GPR158: variants seen among roughly 807,000 people sequenced by gnomAD.
GPR158 encodes G protein-coupled receptor 158.
A neutral mutation model predicts 78.2 loss-of-function variants in GPR158; 30 were observed. The observed-to-expected ratio is 0.38, with a 90% CI of 0.29 to 0.52. The LOEUF is 0.52. Ranked by LOEUF, GPR158 falls within the 20% of genes least tolerant of loss-of-function variation. The pLI is 0.83. For synonymous variants in GPR158, 581 were observed against 591.1 expected (o/e 0.98, Z 0.25); for missense variants, 1,463 against 1,523.5 (o/e 0.96, Z 0.66).
chr10:25,571,397 T>C (rs1262447628), intron 6 of GPR158, among the ~76,000 whole-genome samples: 4 of 152,188 alleles, frequency 2.6e-5, no homozygotes, highest in African/African-American at 9.7e-5. Context: ...GGAGGAAAAA[T>C]ATAGCATAGT....
chr10:25,428,991 G>T (rs536436957), intron 4 of GPR158, among the ~76,000 whole-genome samples: 1 of 152,038 alleles, frequency 6.6e-6, no homozygotes, highest in South Asian at 2.1e-4. Context: ...CGTTACAGTT[G>T]GGTATAAGCA....
At chr10:25,241,325 TC>T (rs1853619048) in intron 2 of GPR158, among the ~76,000 whole-genome samples, 7 of 141,680 alleles carry the variant, frequency 4.9e-5, no homozygotes, top group African/African-American at 1.7e-4. Flanking sequence ...TCTTCTCTTC[TC>T]TTCTCTTCTC....
intron 2 of GPR158, among the ~76,000 whole-genome samples, chr10:25,303,822 T>C (rs1411780136): frequency 6.6e-6 from 1 of 152,184 alleles, no homozygotes; most frequent in Non-Finnish European, 1.5e-5. Flanking sequence ...CCTTTTGGTC[T>C]CCATATTATT....
chr10:25,177,627 G>T (rs998544383), intron 1 of GPR158, among the ~76,000 whole-genome samples: 1 of 152,180 alleles, frequency 6.6e-6, no homozygotes, highest in African/African-American at 2.4e-5. Context: ...CAACCAAGTT[G>T]CTTAACCTCT....
intron 2 of GPR158, among the ~76,000 whole-genome samples, chr10:25,277,749 A>C (rs1368924003): frequency 6.6e-6 from 1 of 152,142 alleles, no homozygotes; most frequent in African/African-American, 2.4e-5. Context: ...TCTTCAGAGG[A>C]AAATAGCCCA....
At position 25,538,577 on chromosome 10, in the gene GPR158, C is replaced by G. The variant is rs7101306; in HGVS notation, c.1405-12399C>G. On this transcript the variant is annotated intron_variant, in intron 5 of 10. Coordinates refer to ENST00000376351, the MANE Select transcript of GPR158 (RefSeq NM_020752.3). The stretch of plus-strand genomic sequence containing the variant: ...GTGTGATTATCACACATTATAGCCT[C>G]GAACTCCTGGCCGTAAGTGATCCTT... Among the ~76,000 whole-genome samples, 769 of 152,234 alleles carry G rather than the reference C, an allele frequency of 5.1e-3. 7 individuals carry two copies. The highest frequency in any genetic ancestry group is 0.018 in the African/African-American group (729 of 41,546).
At chr10:25,350,827 G>A (rs1413397) in intron 2 of GPR158, among the ~76,000 whole-genome samples, 99,525 of 151,776 alleles carry the variant, frequency 0.66, 33,758 homozygotes, top group Non-Finnish European at 0.76. Context: ...ATATATCAAG[G>A]AGATTTGTTT....
chr10:25,224,788 C>T (rs1853351105), intron 2 of GPR158, among the ~76,000 whole-genome samples: 1 of 152,092 alleles, frequency 6.6e-6, no homozygotes, highest in Non-Finnish European at 1.5e-5. Flanking sequence ...AGAGATACAG[C>T]TGGCAATTCT....
chr10:25,243,674 A>G (rs1025643169), intron 2 of GPR158, among the ~76,000 whole-genome samples: 1 of 152,182 alleles, frequency 6.6e-6, no homozygotes, highest in African/African-American at 2.4e-5. Context: ...ATTTTATTTA[A>G]TTGTGTCTCC....
At chr10:25,212,459 A>T (rs1176583223) in intron 1 of GPR158, among the ~76,000 whole-genome samples, 1 of 152,170 alleles carries the variant, frequency 6.6e-6, no homozygotes, top group East Asian at 1.9e-4. Flanking sequence ...CCCACCTCCA[A>T]CATTGGGGAT....
intron 2 of GPR158, among the ~76,000 whole-genome samples, chr10:25,293,607 T>C (rs1854470465): frequency 6.6e-6 from 1 of 152,194 alleles, no homozygotes; most frequent in South Asian, 2.1e-4. Context: ...GGTAAGTGTT[T>C]AGGATTGGAG....
chr10:25,263,243 G>A (rs937695312), intron 2 of GPR158, among the ~76,000 whole-genome samples: 2 of 152,098 alleles, frequency 1.3e-5, no homozygotes, highest in African/African-American at 4.8e-5. Flanking sequence ...AATTATTTTT[G>A]CATGAGGATG....
At chr10:25,318,348 C>A (rs1336028105) in intron 2 of GPR158, among the ~76,000 whole-genome samples, 1 of 151,672 alleles carries the variant, frequency 6.6e-6, no homozygotes, top group Non-Finnish European at 1.5e-5. Context: ...TTTTTGGAGT[C>A]CCTTGTGCAA....
At chr10:25,572,593 A>AGTT (rs1351909186) in intron 6 of GPR158, 56 bp from the exon 7 acceptor site, 3 of 1,071,200 alleles carry the variant, frequency 2.8e-6, no homozygotes, top group Non-Finnish European at 4.4e-6. Context: ...GTTATTTTAG[A>AGTT]GTTATACTTT....
At chr10:25,243,131 C>T (rs191956343) in intron 2 of GPR158, among the ~76,000 whole-genome samples, 250 of 152,364 alleles carry the variant, frequency 1.6e-3, no homozygotes, top group Non-Finnish European at 3.0e-3. Flanking sequence ...GCTAATTTAA[C>T]CAACAAATCT....
rs2130760872 is a variant in GPR158, at chr10:25,601,760, A to C, written c.*2486A>C. 6.5e-6 allele frequency: 1 copy of C among 152,770 alleles called. No homozygotes were observed. The highest frequency in any genetic ancestry group is 2.1e-4 in the South Asian group (1 of 4,828). 9.5% of individuals were successfully genotyped at this position (152,770 alleles called of 1,614,324 possible). A position where few individuals can be genotyped will look rare whatever the true frequency, so the allele number is the denominator to read the frequency against. On this transcript the variant is annotated 3_prime_UTR_variant, in exon 11 of 11. Coordinates refer to ENST00000376351, the MANE Select transcript of GPR158 (RefSeq NM_020752.3). ...GTGAATAAACACTTTTAAGGTCGCA[A>C]ACATTTGCTAGGTTGTCCTTCTCAA... is the stretch of plus-strand genomic sequence containing the variant.
At chr10:25,404,170 A>G (rs1333715173) in intron 3 of GPR158, among the ~76,000 whole-genome samples, 1 of 152,136 alleles carries the variant, frequency 6.6e-6, no homozygotes, top group Non-Finnish European at 1.5e-5. Flanking sequence ...GGAACACTCA[A>G]TATCAAAAGC....
chr10:25,325,468 T>TACAC (rs3054025), intron 2 of GPR158, among the ~76,000 whole-genome samples: 3,141 of 150,176 alleles, frequency 0.021, 101 homozygotes, highest in African/African-American at 0.07. Flanking sequence ...TATATATAAT[T>TACAC]ACACACACAC....
chr10:25,468,224 C>T (rs573036166), intron 5 of GPR158, among the ~76,000 whole-genome samples: 28 of 152,086 alleles, frequency 1.8e-4, no homozygotes, highest in Non-Finnish European at 4.0e-4. Context: ...CCTCTCTCTG[C>T]TCATATCTAT....
Sources: allele counts gnomAD v4.1 joint callset (sites outside exome capture counted in the v4.1 genomes callset), GRCh38; gene constraint gnomAD v4.1.1; transcripts MANE v1.5; gene names NCBI Gene and HGNC (gene_info 2026-07-23, HGNC 2026-07-21).